The following KIF26B variants were observed in gnomAD, a reference collection of about 807,000 sequenced individuals.
KIF26B encodes the protein kinesin family member 26B, also known as kinesin-like protein KIF26B.
A neutral mutation model predicts 151.2 loss-of-function variants in KIF26B; 63 were observed. That is an observed-to-expected ratio of 0.42 (90% CI 0.34 to 0.51). The LOEUF (loss-of-function observed/expected upper bound fraction) is 0.51, where lower values mean the gene tolerates loss of function less well. Ranked by LOEUF, KIF26B falls within the 20% of genes least tolerant of loss-of-function variation. The probability of loss-of-function intolerance (pLI) is 0.07; values close to 1 mark genes in which losing one functional copy is unlikely to be tolerated. For missense variants in KIF26B, 2,813 were observed against 2,913.6 expected, an observed-to-expected ratio of 0.97 and a Z score of 0.79; for synonymous variants, 1,357 against 1,262.1, an observed-to-expected ratio of 1.08 and a Z score of -1.59.
chr1:245,263,722 G>A (rs1670693378), intron 2 of KIF26B, among the ~76,000 whole-genome samples: 4 of 152,208 alleles, frequency 2.6e-5, no homozygotes, highest in Admixed American at 6.5e-5. Context: ...GGTAAGCACT[G>A]TGGAGGATTC....
rs796722836 is a variant in KIF26B at position 245,640,160 on chromosome 1, T to TATATATATATATATATACAC, written c.2099-5960_2099-5959insTATATATATATATATACACA. Among the ~76,000 whole-genome samples the TATATATATATATATATACAC allele has an allele frequency of 9.0e-3, 487 of 54,302 alleles. 38 individuals carry two copies. The highest frequency in any genetic ancestry group is 0.022 in the East Asian group (22 of 982). 35.6% of individuals were successfully genotyped at this position (54,302 alleles called of 152,430 possible). ...CTCTCTCTCTATATATATATATATA[T>TATATATATATATATATACAC]ACCCTGCTATTTGGTTATATATATT... On this transcript the variant is annotated intron_variant, in intron 9 of 14. Coordinates refer to ENST00000407071, the MANE Select transcript of KIF26B (RefSeq NM_018012.4).
chr1:245,534,614 A>G (rs1249072697), intron 4 of KIF26B, among the ~76,000 whole-genome samples: 2 of 152,192 alleles, frequency 1.3e-5, no homozygotes, highest in African/African-American at 4.8e-5. Context: ...ATATTGTACT[A>G]TCCTTGGTAA....
chr1:245,383,008 T>C (rs573350725), intron 3 of KIF26B, among the ~76,000 whole-genome samples: 7 of 143,970 alleles, frequency 4.9e-5, no homozygotes, highest in Non-Finnish European at 7.5e-5. Context: ...TTTATATATA[T>C]ACACACACAC....
At chr1:245,336,462 A>G (rs1672236047) in intron 2 of KIF26B, among the ~76,000 whole-genome samples, 1 of 152,212 alleles carries the variant, frequency 6.6e-6, no homozygotes, top group Non-Finnish European at 1.5e-5. Context: ...TGAAGGTCGC[A>G]GTGACCTTGA....
At chr1:245,491,576 G>A (rs1035052242) in intron 4 of KIF26B, among the ~76,000 whole-genome samples, 3 of 152,198 alleles carry the variant, frequency 2.0e-5, no homozygotes, top group African/African-American at 4.8e-5. Flanking sequence ...ATGGAGGAGA[G>A]AAAACGAGGA....
chr1:245,360,225 A>G (rs934032328), intron 2 of KIF26B, among the ~76,000 whole-genome samples: 1 of 152,040 alleles, frequency 6.6e-6, no homozygotes, highest in African/African-American at 2.4e-5. Context: ...TGAATATGAT[A>G]TGTTCCCTTC....
intron 2 of KIF26B, among the ~76,000 whole-genome samples, chr1:245,282,036 A>G (rs112343443): frequency 6.6e-6 from 1 of 152,182 alleles, no homozygotes; most frequent in Admixed American, 6.5e-5. Context: ...CCAACTTACA[A>G]GGGATGTGAA....
At chr1:245,465,909 C>T (rs1009185887) in intron 4 of KIF26B, among the ~76,000 whole-genome samples, 6 of 152,308 alleles carry the variant, frequency 3.9e-5, no homozygotes, top group African/African-American at 1.4e-4. Context: ...AAGGGCTGAG[C>T]CCATCCTGAA....
chr1:245,541,997 C>A (rs1351226034), intron 5 of KIF26B, among the ~76,000 whole-genome samples: 2 of 152,278 alleles, frequency 1.3e-5, no homozygotes, highest in African/African-American at 2.4e-5. Context: ...AATCTCACCA[C>A]CTCGTTGGGA....
At chr1:245,615,308 TCTC>T (rs1420112617) in intron 9 of KIF26B, among the ~76,000 whole-genome samples, 3 of 152,194 alleles carry the variant, frequency 2.0e-5, no homozygotes, top group Non-Finnish European at 4.4e-5. Context: ...TGGGATTATC[TCTC>T]CTCCTTCCAG....
chr1:245,176,789 G>A (rs73125054), intron 2 of KIF26B, among the ~76,000 whole-genome samples: 1 of 152,090 alleles, frequency 6.6e-6, no homozygotes, highest in South Asian at 2.1e-4. Flanking sequence ...GACTTTTAAC[G>A]GTCATGTTTA....
At chr1:245,535,788 G>T (rs1223637458) in intron 4 of KIF26B, among the ~76,000 whole-genome samples, 1 of 152,200 alleles carries the variant, frequency 6.6e-6, no homozygotes, top group African/African-American at 2.4e-5. Flanking sequence ...CATAGGCCTA[G>T]ATTCAGCCTT....
At chr1:245,334,700 G>C (rs1672186741) in intron 2 of KIF26B, among the ~76,000 whole-genome samples, 2 of 152,210 alleles carry the variant, frequency 1.3e-5, no homozygotes, top group South Asian at 4.1e-4. Flanking sequence ...TCAAGAATGA[G>C]GAGTGAGCCT....
intron 8 of KIF26B, among the ~76,000 whole-genome samples, chr1:245,610,717 AAG>A (rs1436869806): frequency 2.0e-5 from 3 of 152,250 alleles, no homozygotes; most frequent in Non-Finnish European, 2.9e-5. Context: ...GGCTAAGAAA[AAG>A]AAGAAAAGAC....
intron 10 of KIF26B, among the ~76,000 whole-genome samples, chr1:245,668,737 T>C (rs189751962): frequency 1.3e-5 from 2 of 152,084 alleles, no homozygotes; most frequent in African/African-American, 4.8e-5. Context: ...GTCACCAGGC[T>C]GGAGTGCAGT....
At chr1:245,401,965 C>T (rs1674013093) in intron 3 of KIF26B, among the ~76,000 whole-genome samples, 1 of 152,104 alleles carries the variant, frequency 6.6e-6, no homozygotes, top group Admixed American at 6.5e-5. Flanking sequence ...AAACACCCCA[C>T]TGCAAATAGC....
intron 9 of KIF26B, among the ~76,000 whole-genome samples, chr1:245,621,166 G>A (rs2043654838): frequency 6.6e-6 from 1 of 152,220 alleles, no homozygotes; most frequent in Admixed American, 6.5e-5. Flanking sequence ...AAAGATTCCA[G>A]GGTGATTCCA....
intron 10 of KIF26B, among the ~76,000 whole-genome samples, chr1:245,655,308 A>G (rs2044061466): frequency 6.6e-6 from 1 of 152,248 alleles, no homozygotes; most frequent in Admixed American, 6.5e-5. Context: ...ACGTGCTTCA[A>G]AGGCAGAAAG....
intron 2 of KIF26B, among the ~76,000 whole-genome samples, chr1:245,162,189 G>C (rs1471700845): frequency 6.6e-6 from 1 of 152,136 alleles, no homozygotes; most frequent in Non-Finnish European, 1.5e-5. Context: ...GTCTGGGAGG[G>C]TTCTTGGTCA....
Sources: gnomAD v4.1 joint callset for allele counts (sites outside exome capture counted in the v4.1 genomes callset) on GRCh38, gnomAD v4.1.1 for gene constraint, MANE v1.5 for transcripts, NCBI Gene and HGNC (gene_info 2026-07-23, HGNC 2026-07-21) for gene names.